Variants in DDX6 observed in about 807,000 individuals in gnomAD.
DDX6 encodes probable ATP-dependent RNA helicase DDX6.
DDX6 carries 7 observed loss-of-function variants against 60.6 expected under a neutral mutation model. That is an observed-to-expected ratio of 0.12 (90% CI 0.07 to 0.22). DDX6 has a LOEUF of 0.22. Ranked by LOEUF, DDX6 falls within the 10% of genes least tolerant of loss-of-function variation. The pLI, the probability that DDX6 is intolerant of heterozygous loss-of-function variation, is 1.00. For synonymous variants in DDX6, 207 were observed against 201.0 expected, an observed-to-expected ratio of 1.03 and a Z score of -0.25; for missense variants, 270 against 589.9, an observed-to-expected ratio of 0.46 and a Z score of 5.62.
chr11:118,788,839 C>T (rs1035526617), intron 1 of DDX6: 1 of 151,742 alleles, frequency 6.6e-6, no homozygotes, highest in Non-Finnish European at 1.5e-5. Context: ...GATTACAGGT[C>T]TGGCTAATTT....
At chr11:118,779,402 G>A (rs1471098485) in intron 4 of DDX6, among the ~76,000 whole-genome samples, 5 of 152,246 alleles carry the variant, frequency 3.3e-5, no homozygotes, top group Non-Finnish European at 7.4e-5. Flanking sequence ...AATGTTAACT[G>A]AAGGTAACTG....
chr11:118,778,020 T>A (rs1056621536), intron 4 of DDX6, among the ~76,000 whole-genome samples: 43 of 137,692 alleles, frequency 3.1e-4, no homozygotes, highest in Admixed American at 8.8e-4. Flanking sequence ...AGAATAATAA[T>A]AAAAAAAAAA....
chr11:118,790,820 C>G (rs938250535), intron 1 of DDX6: 1 of 152,898 alleles, frequency 6.5e-6, no homozygotes, highest in Admixed American at 6.5e-5. Flanking sequence ...CCCACAGCCC[C>G]CAAAGCACCG....
chr11:118,751,039 C>T lies in DDX6; in HGVS notation c.*1066G>A, dbSNP rs1210714032. The stretch of plus-strand genomic sequence containing the variant: ...CTCTAATCCCCTTAATCCCAGCAAC[C>T]TTCATCCAAAAAAAAATATATATAT... On this transcript the variant is annotated 3_prime_UTR_variant, in exon 14 of 14. Transcript: ENST00000534980. 4.1e-5 allele frequency: 6 copies of T among 146,550 alleles called. No individual in the cohort carries two copies. Among genetic ancestry groups the T allele is most frequent in the Non-Finnish European group, 9.0e-5 (6 of 66,952 alleles). 9.1% of individuals were successfully genotyped at this position (146,550 alleles called of 1,614,324 possible). A position where few individuals can be genotyped will look rare whatever the true frequency, so the allele number is the denominator to read the frequency against.
intron 13 of DDX6, among the ~76,000 whole-genome samples, chr11:118,753,816 G>A (rs1470502526): frequency 6.6e-6 from 1 of 152,150 alleles, no homozygotes; most frequent in Non-Finnish European, 1.5e-5. Flanking sequence ...ACTGCTGGCA[G>A]TGTGGTGGCT....
intron 4 of DDX6, among the ~76,000 whole-genome samples, chr11:118,771,526 T>C (rs1287536936): frequency 6.6e-6 from 1 of 152,194 alleles, no homozygotes; most frequent in Non-Finnish European, 1.5e-5. Context: ...CTTACCAGTG[T>C]TTCTCAGGAA....
intron 7 of DDX6, 80 bp from the exon 8 acceptor site, chr11:118,760,124 G>A: frequency 7.8e-7 from 1 of 1,282,160 alleles, no homozygotes; most frequent in African/African-American, 1.5e-5. Flanking sequence ...CAAAGAATAA[G>A]GCATCATCCA....
intron 1 of DDX6, chr11:118,790,295 G>A (rs574000182): frequency 6.6e-6 from 1 of 152,136 alleles, no homozygotes; most frequent in Non-Finnish European, 1.5e-5. Flanking sequence ...AACACAAAAG[G>A]TTGGGGCTCT....
chr11:118,783,345 T>C (rs539118523), intron 2 of DDX6, among the ~76,000 whole-genome samples: 45 of 152,220 alleles, frequency 3.0e-4, no homozygotes, highest in Non-Finnish European at 4.4e-4. Context: ...GGTGCGATCA[T>C]AGCTCACTGC....
intron 4 of DDX6, among the ~76,000 whole-genome samples, chr11:118,778,949 G>A (rs1377839264): frequency 6.6e-6 from 1 of 152,050 alleles, no homozygotes; most frequent in African/African-American, 2.4e-5. Context: ...GCGAACCCAG[G>A]AGTTTTAATC....
Position 118,751,901 on chromosome 11 carries a change from G to A in DDX6, c.*204C>T, listed in dbSNP as rs782295041. On this transcript the variant is annotated 3_prime_UTR_variant, in exon 14 of 14. Transcript: ENST00000534980. ...AACTAATGTTCAGTCAGCACACAGTGCAAACAAGTGGAACAAAAAAGGTAT... is the reference window on the plus strand; with the variant it reads ...AACTAATGTTCAGTCAGCACACAGTACAAACAAGTGGAACAAAAAAGGTAT... The A allele has an allele frequency of 1.8e-5, 8 of 439,402 alleles. No individual in the cohort carries two copies. Among genetic ancestry groups the A allele is most frequent in the South Asian group, 1.3e-4 (8 of 60,264 alleles). 27.2% of individuals were successfully genotyped at this position (439,402 alleles called of 1,614,324 possible).
chr11:118,774,954 G>C lies in DDX6; in HGVS notation c.369+4678C>G, dbSNP rs1861649649. Among the ~76,000 whole-genome samples the C allele has an allele frequency of 1.3e-5, 2 of 152,102 alleles. 1 individual carries two copies. Among genetic ancestry groups the C allele is most frequent in the South Asian group, 4.1e-4 (2 of 4,838 alleles). On this transcript the variant is annotated intron_variant, in intron 4 of 13. Transcript: ENST00000534980. ...AGAATGGAAAGAATACTAGAAGACAGCCTGCCATGAGGTTATATTTTACCA... is the reference window on the plus strand; with the variant it reads ...AGAATGGAAAGAATACTAGAAGACACCCTGCCATGAGGTTATATTTTACCA...
chr11:118,751,880 A>C lies in DDX6; in HGVS notation c.*225T>G, dbSNP rs1555157460. On this transcript the variant is annotated 3_prime_UTR_variant, in exon 14 of 14. Transcript: ENST00000534980. Reference sequence around the variant, plus strand: ...TTAAAAACCAGCAGTTAGTGCAACTAATGTTCAGTCAGCACACAGTGCAAA... The same window carrying C: ...TTAAAAACCAGCAGTTAGTGCAACTCATGTTCAGTCAGCACACAGTGCAAA... 2.3e-6 allele frequency: 1 copy of C among 438,530 alleles called. No individual in the cohort carries two copies. Among genetic ancestry groups the C allele is most frequent in the Non-Finnish European group, 4.6e-6 (1 of 219,582 alleles). 27.2% of individuals were successfully genotyped at this position (438,530 alleles called of 1,614,324 possible). A position where few individuals can be genotyped will look rare whatever the true frequency, so the allele number is the denominator to read the frequency against.
At position 118,758,274 on chromosome 11, in the gene DDX6, A is replaced by G. The variant is rs142637526; in HGVS notation, c.993+500T>C. Among the ~76,000 whole-genome samples, 103 of 152,370 alleles carry G rather than the reference A, an allele frequency of 6.8e-4. 1 individual carries two copies. The highest frequency in any genetic ancestry group is 2.4e-3 in the African/African-American group (101 of 41,598). On this transcript the variant is annotated intron_variant, in intron 9 of 13. Coordinates refer to ENST00000534980, the MANE Select transcript of DDX6 (RefSeq NM_004397.6). ...TTAAGGTCAAAGTATTTCAGAAACT[A>G]TTCAAAAGTGTATCTGTGACTTGGT... is the stretch of plus-strand genomic sequence containing the variant.
At chr11:118,791,277 CCGCCGCGGCTATATT>C (rs958360313), upstream of DDX6, 9 of 152,124 alleles carry the variant, frequency 5.9e-5, no homozygotes, top group Non-Finnish European at 8.8e-5. Flanking sequence ...GAAACCTCGG[CCGCCGCGGCTATATT>C]CGCCGCGGCG....
intron 4 of DDX6, among the ~76,000 whole-genome samples, chr11:118,770,240 CTGGTCTTGAACT>C (rs1360304581): frequency 6.6e-6 from 1 of 151,638 alleles, no homozygotes; most frequent in African/African-American, 2.4e-5. Context: ...GTTGGCCAGG[CTGGTCTTGAACT>C]CATGACCTCA....
intron 8 of DDX6, 161 bp from the exon 9 acceptor site, chr11:118,759,063 C>T (rs1861075988): frequency 2.1e-6 from 2 of 930,302 alleles, no homozygotes; most frequent in Non-Finnish European, 1.5e-6. Context: ...TACAGAATTT[C>T]CCCCCTGCCA....
intron 7 of DDX6, among the ~76,000 whole-genome samples, chr11:118,762,007 G>A (rs568280921): frequency 3.3e-5 from 5 of 152,254 alleles, no homozygotes; most frequent in African/African-American, 1.2e-4. Context: ...GGGCGTGGTG[G>A]CTCATGCCTG....
rs782176813 is a variant in DDX6, at chr11:118,754,914, A to G, written c.1277-27T>C. ...TAAAAAACATGCGTTTAAAAATTTT[A>G]ATGAATAAAATATGAAAATCAATGT... On this transcript the variant is annotated intron_variant, in intron 12 of 13. Coordinates refer to ENST00000534980, the MANE Select transcript of DDX6 (RefSeq NM_004397.6). 6.4e-6 allele frequency: 10 copies of G among 1,561,940 alleles called. No individual in the cohort carries two copies. In the South Asian group the frequency reaches 1.2e-4, roughly 18 times the overall value.
Sources: allele counts gnomAD v4.1 joint callset (sites outside exome capture counted in the v4.1 genomes callset), GRCh38; gene constraint gnomAD v4.1.1; transcripts MANE v1.5; gene names NCBI Gene and HGNC (gene_info 2026-07-23, HGNC 2026-07-21).